The following AK3 variants were observed in gnomAD, a reference collection of about 807,000 sequenced individuals.
AK3 encodes the protein adenylate kinase 3.
A neutral mutation model predicts 23.7 loss-of-function variants in AK3; 27 were observed. The ratio of observed to expected loss-of-function variants is 1.14; its 90% CI spans 0.84 to 1.57. AK3 has a LOEUF of 1.57. AK3 is among the 40% of genes most tolerant of loss of function. The pLI, the probability that AK3 is intolerant of heterozygous loss-of-function variation, is 0.00. For synonymous variants in AK3, 159 were observed against 116.0 expected (o/e 1.37, Z -2.38); for missense variants, 406 against 285.6 (o/e 1.42, Z -3.04).
At chr9:4,741,429 C>A, upstream of AK3, 1 of 230,832 alleles carries the variant, frequency 4.3e-6, no homozygotes, top group Non-Finnish European at 8.3e-6. Flanking sequence ...CTCCACCGGC[C>A]GCTGGGCCCG....
chr9:4,714,424 C>A (rs1841665097), intron 4 of AK3, among the ~76,000 whole-genome samples: 3 of 152,160 alleles, frequency 2.0e-5, no homozygotes, highest in Non-Finnish European at 4.4e-5. Context: ...CCACTGTTTT[C>A]TCGGTAAGAA....
intron 4 of AK3, among the ~76,000 whole-genome samples, chr9:4,714,199 C>T (rs568435350): frequency 6.6e-5 from 4 of 61,062 alleles, no homozygotes; most frequent in African/African-American, 3.3e-4. Flanking sequence ...CACACACCTC[C>T]ACATATACAC....
At chr9:4,730,910 T>A (rs887577605) in intron 1 of AK3, among the ~76,000 whole-genome samples, 1 of 152,164 alleles carries the variant, frequency 6.6e-6, no homozygotes, top group Admixed American at 6.5e-5. Context: ...GGAAGTTACA[T>A]GAGTTTTTAT....
rs1842425044 is a variant in AK3, at chr9:4,741,175, C to G, written c.-88G>C. 26 of 1,294,474 alleles carry G rather than the reference C, an allele frequency of 2.0e-5. No individual in the cohort carries two copies. In the South Asian group the frequency reaches 5.3e-4, roughly 27 times the overall value. 80.2% of individuals were successfully genotyped at this position (1,294,474 alleles called of 1,614,324 possible). ...CCGCTCGGCAGCCTGCGCCGGCCGG[C>G]TAGCAGCGCCACTAGCAGGCGGCTA... is the stretch of plus-strand genomic sequence containing the variant. On this transcript the variant is annotated 5_prime_UTR_variant, in exon 1 of 5. Transcript: ENST00000381809.
intron 4 of AK3, among the ~76,000 whole-genome samples, chr9:4,715,233 A>AG (rs1474307818): frequency 3.4e-4 from 50 of 148,824 alleles, no homozygotes; most frequent in African/African-American, 5.7e-4. Context: ...AAAAAAAAAA[A>AG]AAAGAAAGAA....
In AK3 at chr9:4,724,998, G is replaced by T. The variant is rs192927130; in HGVS notation, c.152-2373C>A. Among the ~76,000 whole-genome samples, 588 of 149,450 alleles carry T rather than the reference G, an allele frequency of 3.9e-3. 5 individuals carry two copies. The highest frequency in any genetic ancestry group is 0.014 in the African/African-American group (557 of 40,908). ...CTCAATATAGGTCATAAACCTAAAT[G>T]TAAGTGCTAAAGCTACTAAACTCTT... On this transcript the variant is annotated intron_variant, in intron 1 of 4. Coordinates refer to ENST00000381809, the MANE Select transcript of AK3 (RefSeq NM_016282.4).
intron 1 of AK3, among the ~76,000 whole-genome samples, chr9:4,734,318 A>ATAAATTATGTGGGT (rs56740996): frequency 6.6e-6 from 1 of 151,726 alleles, no homozygotes; most frequent in Non-Finnish European, 1.5e-5. Flanking sequence ...CTATAAGAAA[A>ATAAATTATGTGGGT]TAAGCCCCCT....
chr9:4,741,399 T>A (rs1217570072), upstream of AK3: 5 of 261,608 alleles, frequency 1.9e-5, 1 homozygote, highest in African/African-American at 9.2e-5. Flanking sequence ...AGCTCCCACC[T>A]GCGCCTCTCC....
intron 4 of AK3, among the ~76,000 whole-genome samples, chr9:4,714,851 T>G (rs1222844577): frequency 6.6e-6 from 1 of 152,178 alleles, no homozygotes; most frequent in Non-Finnish European, 1.5e-5. Flanking sequence ...TGACTATTAC[T>G]AACATTCTTG....
intron 1 of AK3, among the ~76,000 whole-genome samples, chr9:4,726,135 T>G (rs1208522439): frequency 6.6e-6 from 1 of 152,240 alleles, no homozygotes; most frequent in Admixed American, 6.5e-5. Context: ...ATCTGAGCCT[T>G]CAGAGAGTCT....
At chr9:4,737,901 T>C (rs1224443934) in intron 1 of AK3, among the ~76,000 whole-genome samples, 4 of 152,100 alleles carry the variant, frequency 2.6e-5, no homozygotes. Context: ...ACCTTAGCTA[T>C]AAAATACAGC....
rs1276924302 is a variant in AK3, at chr9:4,711,883, T to C, written c.*1093A>G. Reference sequence around the variant, plus strand: ...CAAAGAACTCCTTCAGGAAACTCACTTTCCTGGTCCTTGTTAACCTATCAT... The same window carrying C: ...CAAAGAACTCCTTCAGGAAACTCACCTTCCTGGTCCTTGTTAACCTATCAT... On this transcript the variant is annotated 3_prime_UTR_variant, in exon 5 of 5. Coordinates refer to ENST00000381809, the MANE Select transcript of AK3 (RefSeq NM_016282.4). The C allele has an allele frequency of 6.6e-6, 1 of 152,208 alleles. No individual in the cohort carries two copies. Among genetic ancestry groups the C allele is most frequent in the African/African-American group, 2.4e-5 (1 of 41,462 alleles). The allele number at this position is 152,208 out of a possible 1,614,324, so 9.4% of individuals were successfully genotyped here. A position where few individuals can be genotyped will look rare whatever the true frequency, so the allele number is the denominator to read the frequency against.
chr9:4,740,672 G>A (rs1842407561), intron 1 of AK3, among the ~76,000 whole-genome samples: 1 of 152,128 alleles, frequency 6.6e-6, no homozygotes, highest in South Asian at 2.1e-4. Context: ...AAAGCCCGGT[G>A]GTTTCCTTTC....
In AK3 at chr9:4,741,191, C is replaced by G. The variant is rs1467272946; in HGVS notation, c.-104G>C. ...GCCGGCCGGCTAGCAGCGCCACTAG[C>G]AGGCGGCTACTGCGGTTCCCCGGCG... is the stretch of plus-strand genomic sequence containing the variant. On this transcript the variant is annotated 5_prime_UTR_variant, in exon 1 of 5. Coordinates refer to ENST00000381809, the MANE Select transcript of AK3 (RefSeq NM_016282.4). 3 of 1,235,744 alleles carry G rather than the reference C, an allele frequency of 2.4e-6. No individual in the cohort carries two copies. In the African/African-American group the frequency reaches 4.8e-5, roughly 20 times the overall value. 76.5% of individuals were successfully genotyped at this position (1,235,744 alleles called of 1,614,324 possible). A position where few individuals can be genotyped will look rare whatever the true frequency, so the allele number is the denominator to read the frequency against.
chr9:4,728,898 CAT>C (rs1842083309), intron 1 of AK3, among the ~76,000 whole-genome samples: 3 of 135,784 alleles, frequency 2.2e-5, no homozygotes. Context: ...TATATATACA[CAT>C]ACTTATATAT....
intron 1 of AK3, among the ~76,000 whole-genome samples, chr9:4,737,660 A>G (rs1166775713): frequency 1.3e-5 from 2 of 152,168 alleles, no homozygotes; most frequent in African/African-American, 4.8e-5. Context: ...CGGAGGTCGC[A>G]GTAAGCCGAG....
Position 4,740,925 on chromosome 9 carries a change from C to G in AK3, c.151+12G>C. 1.9e-6 allele frequency: 3 copies of G among 1,547,364 alleles called. No individual in the cohort carries two copies. Among genetic ancestry groups the G allele is most frequent in the Non-Finnish European group, 2.6e-6 (3 of 1,147,804 alleles). ...GACAGCGCACGGCCGGCCCTGGGCCCAGAGCTCCCACCTGTGCCCCGCAGC... is the reference window on the plus strand; with the variant it reads ...GACAGCGCACGGCCGGCCCTGGGCCGAGAGCTCCCACCTGTGCCCCGCAGC... On this transcript the variant is annotated intron_variant, in intron 1 of 4. Transcript: ENST00000381809.
rs1182086666 is a variant in AK3 at position 4,710,107 on chromosome 9, C to T, written c.*2869G>A. The stretch of plus-strand genomic sequence containing the variant: ...AACTGACAGAAATTTCTGGATGGTG[C>T]TAACAACTGCTAGTTTGCATTTCCC... On this transcript the variant is annotated 3_prime_UTR_variant, in exon 5 of 5. Coordinates refer to ENST00000381809, the MANE Select transcript of AK3 (RefSeq NM_016282.4). 6.6e-6 allele frequency: 1 copy of T among 152,170 alleles called. No individual in the cohort carries two copies. Among genetic ancestry groups the T allele is most frequent in the African/African-American group, 2.4e-5 (1 of 41,432 alleles). 9.4% of individuals were successfully genotyped at this position (152,170 alleles called of 1,614,324 possible).
chr9:4,725,118 G>A (rs1305615554), intron 1 of AK3, among the ~76,000 whole-genome samples: 1 of 149,710 alleles, frequency 6.7e-6, no homozygotes, highest in South Asian at 2.1e-4. Context: ...CCCCCTCCCA[G>A]GTTCAAGTGA....
Sources: gnomAD v4.1 joint callset for allele counts (sites outside exome capture counted in the v4.1 genomes callset) on GRCh38, gnomAD v4.1.1 for gene constraint, MANE v1.5 for transcripts, NCBI Gene and HGNC (gene_info 2026-07-23, HGNC 2026-07-21) for gene names.